The following ANXA2 variants were observed in gnomAD, a reference collection of about 807,000 sequenced individuals.
ANXA2 encodes the protein annexin II.
In ANXA2, 28 loss-of-function variants were observed where a neutral mutation model predicts 47.3. The observed-to-expected ratio is 0.59, with a 90% CI of 0.44 to 0.81. The LOEUF (loss-of-function observed/expected upper bound fraction) is 0.81. ANXA2 is among the 40% of genes least tolerant of loss of function. ANXA2 has a pLI of 0.00. For missense variants in ANXA2, 384 were observed against 414.3 expected (o/e 0.93, Z 0.64); for synonymous variants, 172 against 155.5 (o/e 1.11, Z -0.79).
intron 1 of ANXA2, 83 bp downstream of exon 1, chr15:60,397,859 GC>G: frequency 7.2e-7 from 1 of 1,387,576 alleles, no homozygotes; most frequent in South Asian, 1.7e-5. Context: ...GGGCCTCCCT[GC>G]CAGGCCGTAC....
intron 3 of ANXA2, among the ~76,000 whole-genome samples, chr15:60,382,051 G>A (rs1566946346): frequency 7.3e-6 from 1 of 137,782 alleles, no homozygotes; most frequent in African/African-American, 2.7e-5. Flanking sequence ...AAAGAAGGGA[G>A]GGGAGGGAGG....
chr15:60,348,643 G>A (rs1375673252), intron 12 of ANXA2, among the ~76,000 whole-genome samples: 1 of 151,800 alleles, frequency 6.6e-6, no homozygotes, highest in Admixed American at 6.6e-5. Context: ...TACTTGGGAG[G>A]CTGAGGCAGG....
intron 3 of ANXA2, among the ~76,000 whole-genome samples, chr15:60,366,249 G>GCCTCTGCCCGGCCGC (rs2062598705): frequency 6.6e-6 from 1 of 151,454 alleles, no homozygotes; most frequent in East Asian, 2.0e-4. Flanking sequence ...CCAGATTGCA[G>GCCTCTGCCCGGCCGC]CCTCTGCCCG....
At chr15:60,354,015 A>G in intron 8 of ANXA2, 139 bp downstream of exon 8, 1 of 634,948 alleles carries the variant, frequency 1.6e-6, no homozygotes. Flanking sequence ...TGACACACAG[A>G]AACTGAGAAA....
chr15:60,380,804 C>CAAAA (rs61570476), intron 3 of ANXA2, among the ~76,000 whole-genome samples: 14 of 61,142 alleles, frequency 2.3e-4, no homozygotes, highest in African/African-American at 3.8e-4. Flanking sequence ...AACTCCATCT[C>CAAAA]AAAAAAAAAA....
chr15:60,395,205 ATTCAC>A (rs1312009766), intron 1 of ANXA2, among the ~76,000 whole-genome samples: 2 of 152,158 alleles, frequency 1.3e-5, no homozygotes, highest in Non-Finnish European at 2.9e-5. Flanking sequence ...AAATCCAACA[ATTCAC>A]TTATTTTGTC....
intron 3 of ANXA2, among the ~76,000 whole-genome samples, chr15:60,371,081 G>C (rs1363386189): frequency 6.6e-6 from 1 of 152,136 alleles, no homozygotes; most frequent in African/African-American, 2.4e-5. Context: ...ACATTGGTGA[G>C]GAACCAAGAC....
At chr15:60,380,823 A>G (rs956269783) in intron 3 of ANXA2, among the ~76,000 whole-genome samples, 2 of 151,318 alleles carry the variant, frequency 1.3e-5, no homozygotes, top group Non-Finnish European at 2.9e-5. Context: ...AAAAAAAAAA[A>G]AAGATTTTTT....
intron 7 of ANXA2, among the ~76,000 whole-genome samples, chr15:60,354,676 G>C (rs1223547742): frequency 2.7e-5 from 4 of 150,630 alleles, no homozygotes; most frequent in African/African-American, 9.8e-5. Flanking sequence ...ACCTAGACCA[G>C]CCAAGGAGTG....
At position 60,364,442 on chromosome 15, in the gene ANXA2, C is replaced by G; in HGVS notation, c.230G>C (p.Arg77Thr). The G allele has an allele frequency of 1.2e-6, 2 of 1,611,222 alleles. No individual in the cohort carries two copies. Among genetic ancestry groups the G allele is most frequent in the Middle Eastern group, 1.7e-4 (1 of 6,038 alleles). ...QRQDIAFAYQ[R>T]RTKKELASAL... ...AATTGCCTGTACCTTTTTGGTCCTT[C>G]TCTGGTAGGCGAAGGCAATATCCTG... Residue 77 changes from arginine to threonine, a missense_variant, in exon 4 of 13, where the codon AGA becomes ACA. Transcript: ENST00000451270.
At chr15:60,354,356 A>G in intron 7 of ANXA2, 143 bp from the exon 8 acceptor site, 1 of 732,312 alleles carries the variant, frequency 1.4e-6, no homozygotes, top group Non-Finnish European at 2.2e-6. Context: ...TGAAACATAG[A>G]TGGGGCCGGG....
Position 60,347,633 on chromosome 15 carries a change from G to C in ANXA2, c.1017C>G (p.Asp339Glu). 2 of 1,614,184 alleles carry C rather than the reference G, an allele frequency of 1.2e-6. No individual in the cohort carries two copies. Among genetic ancestry groups the C allele is most frequent in the Non-Finnish European group, 1.7e-6 (2 of 1,180,018 alleles). The change falls in exon 13 of 13, where the codon GAC (aspartate) becomes GAG (glutamate). Residue 339 changes from aspartate (D) to glutamate (E), a missense_variant. Transcript: ENST00000451270. ...KALLYLCGGD[D>E] ...GACGCTCAGGCCGTGTCGGGCTTCA[G>C]TCATCTCCACCACACAGGTACAGCA...
intron 3 of ANXA2, among the ~76,000 whole-genome samples, chr15:60,375,070 G>A (rs556882780): frequency 9.2e-5 from 14 of 152,300 alleles, no homozygotes; most frequent in African/African-American, 2.6e-4. Flanking sequence ...TATACCTGGC[G>A]TGCAGGTGAA....
intron 1 of ANXA2, among the ~76,000 whole-genome samples, chr15:60,392,205 T>C (rs757270188): frequency 4.6e-5 from 7 of 152,198 alleles, no homozygotes; most frequent in Non-Finnish European, 1.0e-4. Flanking sequence ...TAAATGAGAC[T>C]GTGAATGCCT....
intron 5 of ANXA2, among the ~76,000 whole-genome samples, chr15:60,359,687 G>C (rs1400535485): frequency 6.6e-6 from 1 of 152,170 alleles, no homozygotes. Context: ...TGTTCTCTGG[G>C]AAAAGGATGA....
At chr15:60,386,198 TG>T (rs541592511) in intron 1 of ANXA2, 112 bp from the exon 2 acceptor site, 77 of 741,788 alleles carry the variant, frequency 1.0e-4, no homozygotes, top group Non-Finnish European at 1.6e-4. Context: ...CTGACGATAT[TG>T]GAGTAGTTTT....
intron 1 of ANXA2, chr15:60,390,471 G>A: frequency 2.0e-6 from 1 of 509,254 alleles, no homozygotes; most frequent in Non-Finnish European, 3.9e-6. Context: ...TATGCCCAGG[G>A]AAAGCGGCGT....
chr15:60,356,102 C>T (rs1243336163), intron 6 of ANXA2, 104 bp from the exon 7 acceptor site: 27 of 820,302 alleles, frequency 3.3e-5, no homozygotes, highest in East Asian at 1.0e-4. Flanking sequence ...AGAACAGCTA[C>T]GTCAGCTGGA....
intron 7 of ANXA2, 178 bp downstream of exon 7, chr15:60,355,741 A>G: frequency 1.5e-6 from 1 of 685,446 alleles, no homozygotes; most frequent in Non-Finnish European, 2.7e-6. Context: ...GCAGGATAAG[A>G]AATCCTATTA....
Sources: allele counts gnomAD v4.1 joint callset (sites outside exome capture counted in the v4.1 genomes callset), GRCh38; gene constraint gnomAD v4.1.1; transcripts MANE v1.5; gene names NCBI Gene and HGNC (gene_info 2026-07-23, HGNC 2026-07-21).